Variants in NFASC observed in about 807,000 individuals in gnomAD.
NFASC encodes neurofascin.
Under a neutral mutation model 147.5 loss-of-function variants are expected in NFASC, and 43 were observed. That is an observed-to-expected ratio of 0.29 (90% confidence interval 0.23 to 0.38). The LOEUF is 0.38. Among genes scored for constraint, NFASC ranks in the 10% least tolerant of loss-of-function variants. The probability of loss-of-function intolerance (pLI) is 1.00; values close to 1 mark genes in which losing one functional copy is unlikely to be tolerated. For missense variants in NFASC, 1,320 were observed against 1,689.0 expected (o/e 0.78, Z 3.83); for synonymous variants, 622 against 665.5 (o/e 0.93, Z 1.01).
rs1376403741 is a variant in NFASC at position 204,863,943 on chromosome 1, A to C, written c.-200+35161A>C. 3.3e-5 allele frequency among the ~76,000 whole-genome samples: 5 copies of C among 151,854 alleles called. No homozygotes were observed. In the East Asian group the frequency reaches 9.7e-4, roughly 30 times the overall value. On this transcript the variant is annotated intron_variant, in intron 1 of 29. Coordinates refer to ENST00000339876, the MANE Select transcript of NFASC (RefSeq NM_001005388.3). ...AAGGAAAGGAGGAAGAAAGAGAGAGAGAAAGAGAGAAAGAAAGAAAGAGAA... is the reference window on the plus strand; with the variant it reads ...AAGGAAAGGAGGAAGAAAGAGAGAGCGAAAGAGAGAAAGAAAGAAAGAGAA...
In NFASC at chr1:204,941,394, CT is replaced by C. The variant is rs555701532; in HGVS notation, c.-90-2824del. ...ATTTAAAATATCCCATACAATTGGG[CT>C]TTTTTTTCTTGCCAATGTGTATCTG... On this transcript the variant is annotated intron_variant, in intron 2 of 29. Transcript: ENST00000339876. 1.5e-4 allele frequency among the ~76,000 whole-genome samples: 23 copies of C among 152,232 alleles called. No individual in the cohort carries two copies. In the East Asian group the frequency reaches 3.9e-3, roughly 26 times the overall value.
At chr1:204,976,870 G>A (rs745971916) in intron 16 of NFASC, 75 bp downstream of exon 16, 37 of 1,561,010 alleles carry the variant, frequency 2.4e-5, no homozygotes, top group African/African-American at 4.1e-5. Context: ...GTGGCCCGGG[G>A]CAGTTCCGAG....
At chr1:204,927,626 G>C (rs1376888132) in intron 2 of NFASC, among the ~76,000 whole-genome samples, 1 of 151,810 alleles carries the variant, frequency 6.6e-6, no homozygotes, top group Non-Finnish European at 1.5e-5. Flanking sequence ...CTACCACCTG[G>C]GTCCCTCCTC....
chr1:204,900,503 C>CTAT (rs1297402492), intron 1 of NFASC, among the ~76,000 whole-genome samples: 1 of 152,212 alleles, frequency 6.6e-6, no homozygotes, highest in East Asian at 1.9e-4. Flanking sequence ...AGACTGAACA[C>CTAT]TATTCTAAAT....
chr1:204,974,531 A>G (rs2095351254), intron 13 of NFASC, 126 bp from the exon 14 acceptor site: 3 of 1,168,226 alleles, frequency 2.6e-6, no homozygotes, highest in Non-Finnish European at 3.8e-6. Flanking sequence ...TCCGAGGCTC[A>G]GGGCTCCAGT....
chr1:204,898,869 G>A lies in NFASC; in HGVS notation c.-199-21763G>A, dbSNP rs536357220. On this transcript the variant is annotated intron_variant, in intron 1 of 29. Coordinates refer to ENST00000339876, the MANE Select transcript of NFASC (RefSeq NM_001005388.3). ...GCAGTGAAAGCATACCCCAGTCCTA[G>A]GTGTTGGAGGAGGTTAAATGAGGAG... is the stretch of plus-strand genomic sequence containing the variant. 2.6e-5 allele frequency among the ~76,000 whole-genome samples: 4 copies of A among 152,338 alleles called. No homozygotes were observed. The East Asian group carries it at 7.7e-4, about 29-fold the overall frequency.
At chr1:204,889,685 G>A (rs185194494) in intron 1 of NFASC, among the ~76,000 whole-genome samples, 1 of 152,282 alleles carries the variant, frequency 6.6e-6, no homozygotes, top group East Asian at 1.9e-4. Context: ...CCCCCAGTGT[G>A]CAATATCCTT....
chr1:204,867,748 C>A (rs573065315), intron 1 of NFASC, among the ~76,000 whole-genome samples: 1 of 152,228 alleles, frequency 6.6e-6, no homozygotes, highest in Non-Finnish European at 1.5e-5. Flanking sequence ...CATGGTCACA[C>A]GCTCATGCAT....
At chr1:204,884,348 C>T (rs1219560580) in intron 1 of NFASC, among the ~76,000 whole-genome samples, 1 of 152,112 alleles carries the variant, frequency 6.6e-6, no homozygotes, top group Non-Finnish European at 1.5e-5. Flanking sequence ...CCCTCTGGTT[C>T]TTCAATGGTC....
chr1:204,860,245 C>G (rs1490545827), intron 1 of NFASC, among the ~76,000 whole-genome samples: 3 of 152,220 alleles, frequency 2.0e-5, no homozygotes, highest in East Asian at 1.9e-4. Flanking sequence ...ATGTCTTCCT[C>G]TGGCTTATCT....
At chr1:205,003,993 G>A (rs2096056558) in intron 27 of NFASC, among the ~76,000 whole-genome samples, 1 of 152,222 alleles carries the variant, frequency 6.6e-6, no homozygotes, top group Non-Finnish European at 1.5e-5. Flanking sequence ...ATGTCTGAGT[G>A]GCCAGCCTGT....
chr1:204,860,038 G>A (rs912240884), intron 1 of NFASC, among the ~76,000 whole-genome samples: 4 of 152,170 alleles, frequency 2.6e-5, no homozygotes, highest in African/African-American at 9.7e-5. Context: ...CGGCAGAAGA[G>A]TGTGGCGTGG....
intron 7 of NFASC, among the ~76,000 whole-genome samples, chr1:204,956,181 G>C (rs1298888315): frequency 6.6e-6 from 1 of 152,170 alleles, no homozygotes; most frequent in Non-Finnish European, 1.5e-5. Flanking sequence ...TTTTCCCTGG[G>C]TTACAAGAAT....
rs535946870 is a variant in NFASC, at chr1:204,844,499, G to A, written c.-200+15717G>A. Among the ~76,000 whole-genome samples, 4 of 152,296 alleles carry A rather than the reference G, an allele frequency of 2.6e-5. No homozygotes were observed. The East Asian group carries it at 7.7e-4, about 29-fold the overall frequency. ...TGGGTATTACAGTGGAGACAAAGAG[G>A]CAGTTTTTGCCTAAAAAGCCCTTAT... On this transcript the variant is annotated intron_variant, in intron 1 of 29. Transcript: ENST00000339876.
At chr1:204,950,453 C>T (rs1176013034) in intron 3 of NFASC, 104 bp from the exon 4 acceptor site, 19 of 1,072,894 alleles carry the variant, frequency 1.8e-5, no homozygotes, top group South Asian at 6.7e-5. Context: ...AGGCACACCC[C>T]GCCCACTCCC....
At chr1:204,876,113 AT>A (rs1361790884) in intron 1 of NFASC, among the ~76,000 whole-genome samples, 1 of 151,952 alleles carries the variant, frequency 6.6e-6, no homozygotes, top group Non-Finnish European at 1.5e-5. Context: ...TTGTTTGTTC[AT>A]TTTTGGTTTT....
At chr1:204,978,265 A>G (rs2095445758) in intron 17 of NFASC, among the ~76,000 whole-genome samples, 1 of 152,212 alleles carries the variant, frequency 6.6e-6, no homozygotes, top group African/African-American at 2.4e-5. Context: ...CGTACCACTC[A>G]GTAGCCGATG....
intron 1 of NFASC, among the ~76,000 whole-genome samples, chr1:204,886,877 G>A (rs932680000): frequency 1.3e-5 from 2 of 151,982 alleles, no homozygotes; most frequent in Non-Finnish European, 2.9e-5. Flanking sequence ...GGACCCTATC[G>A]AATTCAAATA....
chr1:204,832,154 T>C (rs1274164376), intron 1 of NFASC, among the ~76,000 whole-genome samples: 1 of 92,946 alleles, frequency 1.1e-5, no homozygotes, highest in Admixed American at 1.6e-4. Flanking sequence ...AACACCTGTG[T>C]GAACAAGGTG....
Sources: gnomAD v4.1 joint callset for allele counts (sites outside exome capture counted in the v4.1 genomes callset) on GRCh38, gnomAD v4.1.1 for gene constraint, MANE v1.5 for transcripts, NCBI Gene and HGNC (gene_info 2026-07-23, HGNC 2026-07-21) for gene names.